MS4A15: variants seen among roughly 807,000 people sequenced by gnomAD.
MS4A15 encodes membrane spanning 4-domains A15.
A neutral mutation model predicts 20.6 loss-of-function variants in MS4A15; 22 were observed. The observed-to-expected ratio is 1.07, with a 90% CI of 0.76 to 1.52. The LOEUF (loss-of-function observed/expected upper bound fraction) is 1.52. Ranked by LOEUF, MS4A15 falls within the 40% of genes most tolerant of loss-of-function variation. The pLI is 0.00. For missense variants in MS4A15, 312 were observed against 323.0 expected, an observed-to-expected ratio of 0.97 and a Z score of 0.26; for synonymous variants, 129 against 129.3, an observed-to-expected ratio of 1.00 and a Z score of 0.02.
intron 2 of MS4A15, among the ~76,000 whole-genome samples, chr11:60,765,698 C>T (rs1339349640): frequency 6.6e-6 from 1 of 152,072 alleles, no homozygotes; most frequent in East Asian, 1.9e-4. Context: ...CGTCCAGGAC[C>T]TCTGGCTCAA....
At chr11:60,773,579 C>A in intron 5 of MS4A15, 95 bp downstream of exon 5, 1 of 1,149,784 alleles carries the variant, frequency 8.7e-7, no homozygotes, top group Non-Finnish European at 1.3e-6. Flanking sequence ...AGCGCCAGGA[C>A]GTTGGCAGGG....
At position 60,767,658 on chromosome 11, in the gene MS4A15, G is replaced by C. The variant is rs1366171081; in HGVS notation, c.348+3G>C. On this transcript the variant is annotated splice_donor_region_variant and intron_variant, in intron 3 of 6. Coordinates refer to ENST00000405633, the MANE Select transcript of MS4A15 (RefSeq NM_001098835.2). ...TCCCCTTCTGGGGAGGAGCCTGCGT[G>C]AGTGCCGGGGCCATGGAGAGGGAGG... The C allele has an allele frequency of 1.3e-6, 2 of 1,547,502 alleles. No individual in the cohort carries two copies. The highest frequency in any genetic ancestry group is 2.7e-5 in the African/African-American group (2 of 73,402).
chr11:60,767,798 CT>C, intron 3 of MS4A15, 143 bp downstream of exon 3: 1 of 1,051,708 alleles, frequency 9.5e-7, no homozygotes. Flanking sequence ...GAACTAGAGT[CT>C]AAATCTAACT....
At chr11:60,774,439 C>T (rs989101563) in intron 6 of MS4A15, among the ~76,000 whole-genome samples, 14 of 152,120 alleles carry the variant, frequency 9.2e-5, no homozygotes, top group African/African-American at 3.4e-4. Context: ...AAACCAAAGA[C>T]GTCTTCGCAG....
At chr11:60,774,935 C>T (rs919588449) in intron 6 of MS4A15, among the ~76,000 whole-genome samples, 11 of 152,204 alleles carry the variant, frequency 7.2e-5, no homozygotes, top group African/African-American at 2.4e-4. Context: ...AAGCGGGGCT[C>T]GAGGCCAGGA....
rs187638216 is a variant in MS4A15, at chr11:60,763,589, C to A, written c.-28-117C>A. On this transcript the variant is annotated intron_variant, in intron 1 of 6. Coordinates refer to ENST00000405633, the MANE Select transcript of MS4A15 (RefSeq NM_001098835.2). ...TCAGCTTCCCCAGCTTTGATGAGAGCGTTTGGGGCCATACTGGCAGGGCTG... is the reference window on the plus strand; with the variant it reads ...TCAGCTTCCCCAGCTTTGATGAGAGAGTTTGGGGCCATACTGGCAGGGCTG... 65 of 793,376 alleles carry A rather than the reference C, an allele frequency of 8.2e-5. No homozygotes were observed. In the African/African-American group the frequency reaches 1.1e-3, roughly 13 times the overall value. The allele number at this position is 793,376 out of a possible 1,614,324, so 49.1% of individuals were successfully genotyped here.
intron 1 of MS4A15, among the ~76,000 whole-genome samples, chr11:60,761,865 A>G (rs998143085): frequency 3.9e-5 from 6 of 152,192 alleles, no homozygotes; most frequent in African/African-American, 1.4e-4. Flanking sequence ...CAATCCTTTT[A>G]TAGTAGTAAA....
At chr11:60,773,997 G>A (rs779457243) in intron 6 of MS4A15, 47 bp downstream of exon 6, 1 of 1,500,644 alleles carries the variant, frequency 6.7e-7, no homozygotes, top group South Asian at 1.1e-5. Flanking sequence ...CCTGAGCTGA[G>A]CCTGTGTGGA....
chr11:60,763,875 G>C lies in MS4A15; in HGVS notation c.142G>C (p.Gly48Arg). 1 of 1,612,974 alleles carries C rather than the reference G, an allele frequency of 6.2e-7. No homozygotes were observed. Among genetic ancestry groups the C allele is most frequent in the Non-Finnish European group, 8.5e-7 (1 of 1,179,864 alleles). The part of the protein sequence containing the change: ...GIMQFEEPPL[G>R]AQTPRATQPP... ...TATGCAGTTTGAGGAGCCACCGCTGGGGGCACAGACACCAAGGGCCACACA... is the reference window on the plus strand; with the variant it reads ...TATGCAGTTTGAGGAGCCACCGCTGCGGGCACAGACACCAAGGGCCACACA... The change falls in exon 2 of 7, where the codon GGG becomes CGG. Residue 48 changes from glycine (G) to arginine (R), a missense_variant. Coordinates refer to ENST00000405633, the MANE Select transcript of MS4A15 (RefSeq NM_001098835.2).
At chr11:60,765,532 G>A (rs1414117950) in intron 2 of MS4A15, among the ~76,000 whole-genome samples, 1 of 152,170 alleles carries the variant, frequency 6.6e-6, no homozygotes, top group Non-Finnish European at 1.5e-5. Context: ...GCACCACCTT[G>A]TAAGAAGGGG....
At chr11:60,772,116 A>G (rs1323431325) in intron 4 of MS4A15, among the ~76,000 whole-genome samples, 2 of 152,246 alleles carry the variant, frequency 1.3e-5, no homozygotes, top group East Asian at 3.9e-4. Flanking sequence ...CTGAGCAGGT[A>G]TCACGGAACC....
At position 60,773,906 on chromosome 11, in the gene MS4A15, G is replaced by T; in HGVS notation, c.568G>T (p.Ala190Ser). The change falls in exon 6 of 7, where the codon GCC becomes TCC. Residue 190 changes from alanine (A) to serine (S), a missense_variant. By Grantham distance (99) the Ala-to-Ser change is moderately conservative (BLOSUM62 1). Coordinates refer to ENST00000405633, the MANE Select transcript of MS4A15 (RefSeq NM_001098835.2). ...CCTGGAGTTCTTCACAGCGGTCATT[G>T]CCATGCACTTCGGGTGCCAAGCCAT... The part of the protein sequence containing the change: ...TVLEFFTAVI[A>S]MHFGCQAIHA... 6.2e-7 allele frequency: 1 copy of T among 1,614,126 alleles called. No homozygotes were observed. Among genetic ancestry groups the T allele is most frequent in the South Asian group, 1.1e-5 (1 of 91,076 alleles).
In MS4A15 at chr11:60,766,316, G is replaced by T. The variant is rs562871232; in HGVS notation, c.226-1217G>T. Reference sequence around the variant, plus strand: ...GAATCACCTAAACCTGGGAGGCAGAGTTTGCAGTGAGCTGAGATGGTGCCA... The same window carrying T: ...GAATCACCTAAACCTGGGAGGCAGATTTTGCAGTGAGCTGAGATGGTGCCA... On this transcript the variant is annotated intron_variant, in intron 2 of 6. Transcript: ENST00000405633. Among the ~76,000 whole-genome samples, 54 of 152,362 alleles carry T rather than the reference G, an allele frequency of 3.5e-4. 2 individuals are homozygous for T. The South Asian group carries it at 0.011, about 30-fold the overall frequency.
chr11:60,767,758 T>C (rs1853921742), intron 3 of MS4A15, 103 bp downstream of exon 3: 1 of 1,335,176 alleles, frequency 7.5e-7, no homozygotes, highest in Non-Finnish European at 9.8e-7. Flanking sequence ...CAGCCTCTCC[T>C]AGGTGGGGGC....
intron 3 of MS4A15, among the ~76,000 whole-genome samples, chr11:60,768,288 C>T (rs1053856442): frequency 1.3e-5 from 2 of 152,196 alleles, no homozygotes; most frequent in South Asian, 2.1e-4. Context: ...AAACCCCTCC[C>T]GCAGAAACCC....
intron 3 of MS4A15, among the ~76,000 whole-genome samples, chr11:60,769,699 C>T (rs775140048): frequency 1.3e-5 from 2 of 152,154 alleles, no homozygotes; most frequent in South Asian, 2.1e-4. Context: ...CAAATGGCAC[C>T]TCCAGCCACC....
chr11:60,761,276 G>A (rs1565068617), intron 1 of MS4A15, among the ~76,000 whole-genome samples: 1 of 152,182 alleles, frequency 6.6e-6, no homozygotes. Context: ...CATGCTAAGT[G>A]TGTTACTCTT....
At chr11:60,771,710 G>C in intron 4 of MS4A15, 1 of 1,292,150 alleles carries the variant, frequency 7.7e-7, no homozygotes, top group African/African-American at 1.5e-5. Context: ...AGGAGTGTGG[G>C]CAGGGTCGCC....
intron 4 of MS4A15, 149 bp downstream of exon 4, chr11:60,771,496 C>A: frequency 6.5e-7 from 1 of 1,538,758 alleles, no homozygotes; most frequent in Non-Finnish European, 8.7e-7. Flanking sequence ...ACCACCCAGG[C>A]AGACCAGACG....
Sources: allele counts gnomAD v4.1 joint callset (sites outside exome capture counted in the v4.1 genomes callset), GRCh38; gene constraint gnomAD v4.1.1; transcripts MANE v1.5; gene names NCBI Gene and HGNC (gene_info 2026-07-23, HGNC 2026-07-21).